Variants in NBEAL2 observed in about 807,000 individuals in gnomAD.
NBEAL2 encodes the protein neurobeachin-like protein 2.
In NBEAL2, 160 loss-of-function variants were observed where a neutral mutation model predicts 299.8. The ratio of observed to expected loss-of-function variants is 0.53; its 90% CI spans 0.47 to 0.61. NBEAL2 has a LOEUF of 0.61. Among genes scored for constraint, NBEAL2 ranks in the 20% least tolerant of loss-of-function variants. The pLI is 0.00. For synonymous variants in NBEAL2, 1,493 were observed against 1,542.3 expected, an observed-to-expected ratio of 0.97 and a Z score of 0.75; for missense variants, 3,112 against 3,649.0, an observed-to-expected ratio of 0.85 and a Z score of 3.79.
chr3:47,008,296 T>C lies in NBEAL2; in HGVS notation c.7733T>C (p.Ile2578Thr), dbSNP rs1434076310. 1 of 1,613,256 alleles carries C rather than the reference T, an allele frequency of 6.2e-7. No individual in the cohort carries two copies. Among genetic ancestry groups the C allele is most frequent in the South Asian group, 1.1e-5 (1 of 90,932 alleles). The change falls in exon 51 of 54, where the codon ATC becomes ACC. Residue 2578 changes from isoleucine (I) to threonine (T), a missense_variant. This residue lies in a region of NBEAL2 where 348 missense variants were observed against 381.4 expected (regional missense o/e 0.91). Coordinates refer to ENST00000450053, the MANE Select transcript of NBEAL2 (RefSeq NM_015175.3). ...AVSGSEDGTV[I>T]IHTVRRGQFV... ...GCCTTCCTGCAGGATGGAACTGTGA[T>C]CATACACACTGTACGCCGCGGACAG...
Position 46,997,053 on chromosome 3 carries a change from G to C in NBEAL2, c.2649+7G>C, listed in dbSNP as rs1292991703. The C allele has an allele frequency of 3.7e-6, 6 of 1,611,270 alleles. No individual in the cohort carries two copies. The highest frequency in any genetic ancestry group is 5.1e-6 in the Non-Finnish European group (6 of 1,178,222). On this transcript the variant is annotated splice_region_variant and intron_variant, in intron 18 of 53. Coordinates refer to ENST00000450053, the MANE Select transcript of NBEAL2 (RefSeq NM_015175.3). ...GGAGACCTGGGATGTGAAGGTCTGT[G>C]AGCACGTGTGGGTGGTGTGTGCAGG...
rs751034486 is a variant in NBEAL2, at chr3:46,979,857, G to T, written c.-5G>T. ...CGCGCAGCAGGGCCGGAGCCGGGCC[G>T]GGCCATGGCCGCCTCGGAGCGGCTG... is the stretch of plus-strand genomic sequence containing the variant. On this transcript the variant is annotated 5_prime_UTR_variant, in exon 1 of 54. Coordinates refer to ENST00000450053, the MANE Select transcript of NBEAL2 (RefSeq NM_015175.3). 1 of 462,422 alleles carries T rather than the reference G, an allele frequency of 2.2e-6. No individual in the cohort carries two copies. 28.6% of individuals were successfully genotyped at this position (462,422 alleles called of 1,614,324 possible). A position where few individuals can be genotyped will look rare whatever the true frequency, so the allele number is the denominator to read the frequency against.
chr3:47,008,474 G>A (rs781335725), intron 51 of NBEAL2, 33 bp downstream of exon 51: 1 of 1,609,920 alleles, frequency 6.2e-7, no homozygotes, highest in South Asian at 1.1e-5. Context: ...AAAGATGGAG[G>A]GGCAGTTGGG....
Position 47,003,390 on chromosome 3 carries a change from A to G in NBEAL2, c.5720+81A>G. ...GTGTGTGCATGCCTCTGTGGGATCA[A>G]CTCCCTGAGTGTGTCCTCTTCTGCT... On this transcript the variant is annotated intron_variant, in intron 35 of 53. Coordinates refer to ENST00000450053, the MANE Select transcript of NBEAL2 (RefSeq NM_015175.3). The surrounding 1 kb of genome is among the most constrained non-coding windows in gnomAD (Gnocchi z 7.0). The G allele has an allele frequency of 1.3e-6, 2 of 1,535,932 alleles. No individual in the cohort carries two copies. Among genetic ancestry groups the G allele is most frequent in the South Asian group, 1.2e-5 (1 of 80,288 alleles).
In NBEAL2 at chr3:47,009,318, T is replaced by G; in HGVS notation, c.8263T>G (p.Ter2755GlyextTer70). ...ETEYNPTEAR[*>G] ...GGAATACAACCCTACTGAGGCGCGCTGAACCTGGCCAGTCCGGCTGCTCGG... is the reference window on the plus strand; with the variant it reads ...GGAATACAACCCTACTGAGGCGCGCGGAACCTGGCCAGTCCGGCTGCTCGG... Residue 2755 changes from the stop codon to glycine (G), a stop_lost, in exon 54 of 54, where the codon TGA becomes GGA. Coordinates refer to ENST00000450053, the MANE Select transcript of NBEAL2 (RefSeq NM_015175.3). 6.3e-7 allele frequency: 1 copy of G among 1,590,372 alleles called. No individual in the cohort carries two copies. Among genetic ancestry groups the G allele is most frequent in the South Asian group, 1.1e-5 (1 of 87,304 alleles).
rs1384873060 is a variant in NBEAL2 at position 46,995,498 on chromosome 3, C to G, written c.1763C>G (p.Ala588Gly). ...TACTTTGACCTCACGCCCAGCATGG[C>G]GGGCATCATGGTACCCCCTGTACAG... is the stretch of plus-strand genomic sequence containing the variant. The part of the protein sequence containing the change: ...LRYFDLTPSM[A>G]GIMVPPVQRW... The change falls in exon 13 of 54, where the codon GCG becomes GGG. Residue 588 changes from alanine (A) to glycine (G), a missense_variant. Ala to Gly is a moderately conservative substitution (Grantham distance 60). Coordinates refer to ENST00000450053, the MANE Select transcript of NBEAL2 (RefSeq NM_015175.3). 2 of 1,612,858 alleles carry G rather than the reference C, an allele frequency of 1.2e-6. No homozygotes were observed. Among genetic ancestry groups the G allele is most frequent in the South Asian group, 1.1e-5 (1 of 91,090 alleles).
rs769368377 is a variant in NBEAL2 at position 46,994,474 on chromosome 3, T to C, written c.1217T>C (p.Ile406Thr). The C allele has an allele frequency of 1.3e-5, 21 of 1,594,752 alleles. No homozygotes were observed. The highest frequency in any genetic ancestry group is 3.4e-5 in the Admixed American group (2 of 58,700). The change falls in exon 12 of 54, where the codon ATC becomes ACC. Residue 406 changes from isoleucine to threonine, a missense_variant. Ile to Thr is a moderately conservative substitution (Grantham distance 89). This residue lies in a region of NBEAL2 where 2,243 missense variants were observed against 2,538.1 expected (regional missense o/e 0.88). Coordinates refer to ENST00000450053, the MANE Select transcript of NBEAL2 (RefSeq NM_015175.3). ...PSAKEVFKERIGYPHLQEVLQ... is the reference protein window; with the variant it reads ...PSAKEVFKERTGYPHLQEVLQ... ...ACACAGGAGGTGTTTAAGGAGCGCA[T>C]CGGCTACCCTCACCTGCAGGAGGTT... is the stretch of plus-strand genomic sequence containing the variant.
chr3:47,008,679 C>A lies in NBEAL2; in HGVS notation c.8027+11C>A. ...CCTCCAACTAAACACGTAAGCCCCCCATTTATGGGTTCATGGCCCCTGAAG... is the reference window on the plus strand; with the variant it reads ...CCTCCAACTAAACACGTAAGCCCCCAATTTATGGGTTCATGGCCCCTGAAG... On this transcript the variant is annotated intron_variant, in intron 52 of 53. Transcript: ENST00000450053. The A allele has an allele frequency of 6.2e-7, 1 of 1,612,916 alleles. No individual in the cohort carries two copies. Among genetic ancestry groups the A allele is most frequent in the Non-Finnish European group, 8.5e-7 (1 of 1,179,834 alleles).
intron 1 of NBEAL2, among the ~76,000 whole-genome samples, chr3:46,985,683 G>A (rs914339807): frequency 2.0e-4 from 30 of 152,212 alleles, no homozygotes; most frequent in Non-Finnish European, 5.9e-5. Flanking sequence ...TGCAGGACCT[G>A]GGCATCACTT....
intron 1 of NBEAL2, among the ~76,000 whole-genome samples, chr3:46,987,698 A>C (rs1375966860): frequency 6.6e-6 from 1 of 152,156 alleles, no homozygotes; most frequent in East Asian, 1.9e-4. Flanking sequence ...AGGGTACTGC[A>C]GCAGCAGGAT....
intron 33 of NBEAL2, 36 bp downstream of exon 33, chr3:47,002,838 G>C: frequency 6.5e-7 from 1 of 1,549,474 alleles, no homozygotes; most frequent in Non-Finnish European, 8.7e-7. Context: ...CTGTGGAGGG[G>C]TGGGGCTTGG....
At position 47,002,071 on chromosome 3, in the gene NBEAL2, C is replaced by T. The variant is rs1412528734; in HGVS notation, c.4934C>T (p.Ala1645Val). ...TSSLESATDE[A>V]GSPLAAAAAA... ...TCCTTGGAGTCAGCCACTGATGAGGCAGGGTCCCCACTTGCAGCTGCAGCA... is the reference window on the plus strand; with the variant it reads ...TCCTTGGAGTCAGCCACTGATGAGGTAGGGTCCCCACTTGCAGCTGCAGCA... Residue 1645 changes from alanine (A) to valine (V), a missense_variant, in exon 31 of 54, where the codon GCA becomes GTA. By Grantham distance (64) the Ala-to-Val change is moderately conservative. Transcript: ENST00000450053. The T allele has an allele frequency of 6.4e-7, 1 of 1,552,472 alleles. No homozygotes were observed. The highest frequency in any genetic ancestry group is 8.7e-7 in the Non-Finnish European group (1 of 1,148,002).
intron 20 of NBEAL2, 57 bp downstream of exon 20, chr3:46,997,751 A>C: frequency 7.0e-7 from 1 of 1,434,362 alleles, no homozygotes; most frequent in Non-Finnish European, 9.1e-7. Context: ...TGTCTGACCG[A>C]GGGGACTGAG....
At position 47,005,525 on chromosome 3, in the gene NBEAL2, G is replaced by A. The variant is rs575895382; in HGVS notation, c.6597G>A (p.Ala2199=). 34 of 1,610,856 alleles carry A rather than the reference G, an allele frequency of 2.1e-5. No individual in the cohort carries two copies. Among genetic ancestry groups the A allele is most frequent in the Middle Eastern group, 1.7e-4 (1 of 6,052 alleles). Residue 2199 remains alanine, a synonymous_variant, in exon 41 of 54, where the codon GCG becomes GCA. Transcript: ENST00000450053. Reference sequence around the variant, plus strand: ...CCGACCGGCAGTTCCACTCGGTGGCGGCAGCCTGGCAGGCACGCCTGGAGA... The same window carrying A: ...CCGACCGGCAGTTCCACTCGGTGGCAGCAGCCTGGCAGGCACGCCTGGAGA... ...DCSDRQFHSV[A]AAWQARLESP...
rs1416411822 is a variant in NBEAL2, at chr3:46,995,820, G to A, written c.2005G>A (p.Glu669Lys). The change falls in exon 14 of 54, where the codon GAA becomes AAA. Residue 669 changes from glutamate to lysine, a missense_variant. Coordinates refer to ENST00000450053, the MANE Select transcript of NBEAL2 (RefSeq NM_015175.3). ...GGAGTATTTGACCATGAGTTTGCCC[G>A]AAGTGTCCTTTGCCGACTCTGCCTG... ...RKEYLTMSLP[E>K]VSFADSAWHC... The A allele has an allele frequency of 3.7e-6, 6 of 1,613,724 alleles. No homozygotes were observed. Among genetic ancestry groups the A allele is most frequent in the South Asian group, 1.1e-5 (1 of 91,088 alleles).
intron 1 of NBEAL2, among the ~76,000 whole-genome samples, chr3:46,983,038 C>G (rs2035452408): frequency 6.6e-6 from 1 of 152,142 alleles, no homozygotes; most frequent in Admixed American, 6.5e-5. Context: ...AATGGGGTCA[C>G]AGAGTGAGGG....
Position 46,988,824 on chromosome 3 carries a change from T to TCTC in NBEAL2, c.141-16_141-14dup, listed in dbSNP as rs755094348. The TCTC allele has an allele frequency of 2.8e-5, 45 of 1,604,150 alleles. No homozygotes were observed. The African/African-American group carries it at 4.9e-4, about 18-fold the overall frequency. On this transcript the variant is annotated splice_polypyrimidine_tract_variant and intron_variant, in intron 2 of 53. Transcript: ENST00000450053. The surrounding 1 kb of genome is among the most constrained non-coding windows in gnomAD (Gnocchi z 4.4). ...GATTGAGGGGTCCTCAGCACCCGTG[T>TCTC]CTCCCCTTTCCTTGCAGGCCAGAGG...
Position 47,002,750 on chromosome 3 carries a change from TG to T in NBEAL2, c.5413del (p.Ala1805ArgfsTer15). ...ATQHSMALLHWGALWRQLASP... is the reference protein window; with the variant it reads ...ATQHSMALLHXGALWRQLASP... Reference sequence around the variant, plus strand: ...GCAGCACTCCATGGCCCTGCTGCACTGGGGGGCGCTGTGGCGCCAGCTCGCC... The same window carrying T: ...GCAGCACTCCATGGCCCTGCTGCACTGGGGGCGCTGTGGCGCCAGCTCGCC... On this transcript the variant is annotated frameshift_variant, in exon 33 of 54. Coordinates refer to ENST00000450053, the MANE Select transcript of NBEAL2 (RefSeq NM_015175.3). LOFTEE classifies it high-confidence loss of function. 6 of 1,534,742 alleles carry T rather than the reference TG, an allele frequency of 3.9e-6. No homozygotes were observed. The highest frequency in any genetic ancestry group is 1.1e-5 in the South Asian group (1 of 87,018).
At chr3:46,990,736 G>A (rs909730563) in intron 6 of NBEAL2, among the ~76,000 whole-genome samples, 1 of 152,228 alleles carries the variant, frequency 6.6e-6, no homozygotes, top group Non-Finnish European at 1.5e-5. Context: ...GGTTGTGAAA[G>A]CCCCTAGAAG....
Sources: allele counts gnomAD v4.1 joint callset (sites outside exome capture counted in the v4.1 genomes callset), GRCh38; gene constraint gnomAD v4.1.1; regional missense constraint gnomAD v4.1.1; non-coding constraint Gnocchi (gnomAD v3.1); transcripts MANE v1.5; gene names NCBI Gene and HGNC (gene_info 2026-07-23, HGNC 2026-07-21).